EXO1: variants seen among roughly 807,000 people sequenced by gnomAD.
EXO1 encodes exonuclease 1.
EXO1 carries 69 observed loss-of-function variants against 84.5 expected under a neutral mutation model. The observed-to-expected ratio is 0.82, with a 90% CI of 0.67 to 1.00. EXO1 has a LOEUF of 1.00. EXO1 is among the 50% of genes least tolerant of loss of function. EXO1 has a pLI of 0.00. For synonymous variants in EXO1, 373 were observed against 366.1 expected (o/e 1.02, Z -0.21); for missense variants, 1,045 against 1,000.7 (o/e 1.04, Z -0.60).
rs1662605010 is a variant in EXO1 at position 241,879,297 on chromosome 1, A to G, written c.2063A>G (p.Asn688Ser). 6.2e-7 allele frequency: 1 copy of G among 1,605,938 alleles called. No individual in the cohort carries two copies. Residue 688 changes from asparagine (N) to serine (S), a missense_variant, in exon 13 of 16, where the codon AAT becomes AGT. Transcript: ENST00000366548. ...ESGEFSLQSS[N>S]ASKLSQCSSK... is the part of the protein sequence containing the mutation. ...GGAGAATTCTCACTGCAGAGTTCAA[A>G]TGCATCAAAGCTTTCTCAGTGCTCT...
intron 12 of EXO1, among the ~76,000 whole-genome samples, chr1:241,878,367 C>G (rs1007243898): frequency 4.6e-5 from 7 of 152,020 alleles, no homozygotes; most frequent in Admixed American, 3.3e-4. Context: ...CATGGTGGCG[C>G]ATGCCTGTAA....
intron 15 of EXO1, among the ~76,000 whole-genome samples, chr1:241,885,762 G>T (rs1236567594): frequency 5.9e-5 from 9 of 151,900 alleles, no homozygotes; most frequent in Admixed American, 3.9e-4. Context: ...GAAGCAAATT[G>T]CTTTCCTAGG....
chr1:241,875,128 C>T (rs375048497), intron 12 of EXO1, among the ~76,000 whole-genome samples: 317 of 152,266 alleles, frequency 2.1e-3, no homozygotes, highest in African/African-American at 7.3e-3. Flanking sequence ...CTCAGCCTCC[C>T]GAGTAGCTGG....
rs1429239477 is a variant in EXO1 at position 241,861,406 on chromosome 1, A to G, written c.945A>G (p.Gln315=). 1.6e-5 allele frequency: 23 copies of G among 1,410,012 alleles called. No individual in the cohort carries two copies. Among genetic ancestry groups the G allele is most frequent in the South Asian group, 3.4e-5 (3 of 87,022 alleles). 87.3% of individuals were successfully genotyped at this position (1,410,012 alleles called of 1,614,324 possible). A position where few individuals can be genotyped will look rare whatever the true frequency, so the allele number is the denominator to read the frequency against. ...VDPETLSYAG[Q]YVDDSIALQI... is the part of the protein sequence containing the mutation. ...TTTTTCCTTAATCTTGCTAATCTAG[A>G]TATGTTGATGATTCCATAGCTCTTC... The change falls in exon 10 of 16, where the codon CAA becomes CAG. Residue 315 remains glutamine, a splice_region_variant and synonymous_variant. Transcript: ENST00000366548.
At chr1:241,857,158 G>A (rs902016585) in intron 6 of EXO1, among the ~76,000 whole-genome samples, 187 bp from the exon 7 acceptor site, 3 of 152,100 alleles carry the variant, frequency 2.0e-5, no homozygotes, top group Non-Finnish European at 4.4e-5. Flanking sequence ...ATGTCTTAAT[G>A]GCTATATAAT....
intron 12 of EXO1, among the ~76,000 whole-genome samples, chr1:241,875,134 G>T (rs368804109): frequency 2.1e-3 from 316 of 152,254 alleles, no homozygotes; most frequent in African/African-American, 7.3e-3. Flanking sequence ...CTCCCGAGTA[G>T]CTGGGACTAC....
chr1:241,866,200 GC>G (rs1244792221), intron 10 of EXO1, among the ~76,000 whole-genome samples: 1 of 152,142 alleles, frequency 6.6e-6, no homozygotes, highest in African/African-American at 2.4e-5. Flanking sequence ...TGCAACCTCT[GC>G]CTCCTGGGTT....
chr1:241,882,105 T>A (rs1488184882), intron 14 of EXO1, 88 bp downstream of exon 14: 2 of 690,974 alleles, frequency 2.9e-6, no homozygotes, highest in Non-Finnish European at 2.6e-6. Context: ...GAATTAAAAA[T>A]CAAAATACCT....
chr1:241,853,541 G>A, intron 6 of EXO1, 60 bp downstream of exon 6: 1 of 1,590,610 alleles, frequency 6.3e-7, no homozygotes, highest in Non-Finnish European at 8.6e-7. Flanking sequence ...GTTTATTGAT[G>A]GGAGAGGAAG....
intron 11 of EXO1, among the ~76,000 whole-genome samples, chr1:241,868,888 T>C (rs916995780): frequency 6.6e-6 from 1 of 152,228 alleles, no homozygotes; most frequent in African/African-American, 2.4e-5. Flanking sequence ...GTTTTCTAGT[T>C]GTTCATTGAT....
intron 8 of EXO1, 138 bp downstream of exon 8, chr1:241,858,856 C>A (rs1226589759): frequency 1.8e-5 from 13 of 713,296 alleles, no homozygotes; most frequent in Admixed American, 1.7e-4. Context: ...ATGACTGAGG[C>A]ACTAGAACTT....
intron 12 of EXO1, among the ~76,000 whole-genome samples, chr1:241,878,471 T>TC (rs1158501355): frequency 1.4e-5 from 2 of 142,110 alleles, no homozygotes; most frequent in African/African-American, 5.3e-5. Flanking sequence ...CACTCCAGCC[T>TC]GGTGACAGAG....
chr1:241,853,376 T>C lies in EXO1; in HGVS notation c.300T>C (p.Leu100=). 1 of 1,614,062 alleles carries C rather than the reference T, an allele frequency of 6.2e-7. No homozygotes were observed. The highest frequency in any genetic ancestry group is 2.2e-5 in the East Asian group (1 of 44,888). Residue 100 remains leucine, a synonymous_variant, in exon 6 of 16, where the codon CTT becomes CTC. Transcript: ENST00000366548. ...RSRRERRQAN[L]LKGKQLLREG... is the part of the protein sequence containing the mutation. ...CTTGCAGAAGACGACAAGCCAATCT[T>C]CTTAAGGGAAAGCAACTTCTTCGTG...
Position 241,877,629 on chromosome 1 carries a change from A to G in EXO1, c.1515-1120A>G, listed in dbSNP as rs189896308. Among the ~76,000 whole-genome samples the G allele has an allele frequency of 2.7e-3, 415 of 152,206 alleles. 2 individuals carry two copies. Among genetic ancestry groups the G allele is most frequent in the African/African-American group, 9.3e-3 (386 of 41,538 alleles). On this transcript the variant is annotated intron_variant, in intron 12 of 15. Coordinates refer to ENST00000366548, the MANE Select transcript of EXO1 (RefSeq NM_130398.4). Reference sequence around the variant, plus strand: ...GAGGTAAATTCTCTTTAAGTTTTTTATTTATCTGATCATGTATAATAGGAT... The same window carrying G: ...GAGGTAAATTCTCTTTAAGTTTTTTGTTTATCTGATCATGTATAATAGGAT...
At position 241,858,603 on chromosome 1, in the gene EXO1, A is replaced by G. The variant is rs1314461218; in HGVS notation, c.641A>G (p.Lys214Arg). The G allele has an allele frequency of 1.4e-5, 22 of 1,613,998 alleles. No homozygotes were observed. The highest frequency in any genetic ancestry group is 1.9e-5 in the Non-Finnish European group (22 of 1,179,920). ...RQLGDVFTEE[K>R]FRYMCILSGC... Reference sequence around the variant, plus strand: ...CTTGGGGATGTATTCACGGAAGAGAAGTTTCGTTACATGTGTATTCTTTCA... The same window carrying G: ...CTTGGGGATGTATTCACGGAAGAGAGGTTTCGTTACATGTGTATTCTTTCA... Residue 214 changes from lysine (K) to arginine (R), a missense_variant, in exon 8 of 16, where the codon AAG becomes AGG. Transcript: ENST00000366548.
chr1:241,856,838 C>A (rs1450367846), intron 6 of EXO1, among the ~76,000 whole-genome samples: 4 of 152,162 alleles, frequency 2.6e-5, no homozygotes, highest in African/African-American at 7.2e-5. Context: ...TGAGACCAGC[C>A]TAGACAACAT....
Position 241,850,404 on chromosome 1 carries a change from A to G in EXO1, c.-17-5A>G. The stretch of plus-strand genomic sequence containing the variant: ...TACTGTTCTCCCTGTCTCTTTTCAT[A>G]TCAGGTAGTTAATTTGGCACCATGG... On this transcript the variant is annotated splice_polypyrimidine_tract_variant and splice_region_variant and intron_variant, in intron 3 of 15. Transcript: ENST00000366548. 1.3e-6 allele frequency: 2 copies of G among 1,589,162 alleles called. No individual in the cohort carries two copies. Among genetic ancestry groups the G allele is most frequent in the Non-Finnish European group, 1.7e-6 (2 of 1,157,410 alleles).
At chr1:241,852,608 G>A (rs1317721104) in intron 5 of EXO1, among the ~76,000 whole-genome samples, 197 bp downstream of exon 5, 1 of 152,176 alleles carries the variant, frequency 6.6e-6, no homozygotes, top group African/African-American at 2.4e-5. Flanking sequence ...TCATCGCTGT[G>A]AAGAGCCACT....
intron 11 of EXO1, among the ~76,000 whole-genome samples, chr1:241,868,477 A>G (rs1275720004): frequency 6.6e-6 from 1 of 152,130 alleles, no homozygotes; most frequent in East Asian, 1.9e-4. Flanking sequence ...AGAATACATT[A>G]TCGTAAAACA....
Sources: allele counts gnomAD v4.1 joint callset (sites outside exome capture counted in the v4.1 genomes callset), GRCh38; gene constraint gnomAD v4.1.1; transcripts MANE v1.5; gene names NCBI Gene and HGNC (gene_info 2026-07-23, HGNC 2026-07-21).